Variants in RNF170 observed in about 807,000 individuals in gnomAD.
RNF170 encodes the protein ring finger protein 170, also known as E3 ubiquitin-protein ligase RNF170.
Under a neutral mutation model 32.7 loss-of-function variants are expected in RNF170, and 12 were observed. The observed-to-expected ratio is 0.37, with a 90% CI of 0.24 to 0.60. The LOEUF (loss-of-function observed/expected upper bound fraction) is 0.60. Ranked by LOEUF, RNF170 falls within the 20% of genes least tolerant of loss-of-function variation. The pLI, the probability that RNF170 is intolerant of heterozygous loss-of-function variation, is 0.72. For missense variants in RNF170, 212 were observed against 311.2 expected (o/e 0.68, Z 2.40); for synonymous variants, 91 against 103.6 (o/e 0.88, Z 0.74).
chr8:42,861,658 C>T (rs1048867345), intron 6 of RNF170, 87 bp downstream of exon 6: 1 of 1,117,356 alleles, frequency 8.9e-7, no homozygotes, highest in African/African-American at 1.5e-5. Flanking sequence ...TTCTCATAGT[C>T]AAAGAATACT....
intron 2 of RNF170, among the ~76,000 whole-genome samples, chr8:42,883,371 T>C (rs571950476): frequency 6.6e-6 from 1 of 152,004 alleles, no homozygotes; most frequent in African/African-American, 2.4e-5. Flanking sequence ...TACACAACAA[T>C]GTGAATGTAC....
chr8:42,888,001 T>G, intron 1 of RNF170, 130 bp from the exon 2 acceptor site: 1 of 788,326 alleles, frequency 1.3e-6, no homozygotes, highest in Non-Finnish European at 2.1e-6. Context: ...TAAGTACAAC[T>G]CCAGTGGGGA....
At chr8:42,894,568 A>T (rs922055098) in intron 1 of RNF170, among the ~76,000 whole-genome samples, 8 of 150,750 alleles carry the variant, frequency 5.3e-5, no homozygotes, top group Admixed American at 6.6e-5. Context: ...CACATGTGTA[A>T]TTTTTTTTTT....
Position 42,854,323 on chromosome 8 carries a change from CCTA to C in RNF170, c.*1833_*1835del. On this transcript the variant is annotated 3_prime_UTR_variant, in exon 7 of 7. Transcript: ENST00000527424. Reference sequence around the variant, plus strand: ...CTATCTAAACATTCTATGCAGGAGTCCTACTAAGAAATTTTGGTGTAATGCCAC... The same window carrying C: ...CTATCTAAACATTCTATGCAGGAGTCCTAAGAAATTTTGGTGTAATGCCAC... The C allele has an allele frequency of 7.8e-7, 1 of 1,287,150 alleles. No homozygotes were observed. The highest frequency in any genetic ancestry group is 1.0e-6 in the Non-Finnish European group (1 of 988,684). 79.7% of individuals were successfully genotyped at this position (1,287,150 alleles called of 1,614,324 possible).
intron 1 of RNF170, among the ~76,000 whole-genome samples, chr8:42,890,811 G>T (rs945703522): frequency 6.6e-6 from 1 of 152,030 alleles, no homozygotes; most frequent in Non-Finnish European, 1.5e-5. Context: ...GCTTGTTGGG[G>T]GCTTCGACAG....
chr8:42,887,584 C>T (rs1183743538), intron 2 of RNF170, 144 bp downstream of exon 2: 11 of 749,018 alleles, frequency 1.5e-5, no homozygotes, highest in Non-Finnish European at 2.3e-5. Flanking sequence ...TTCAAAGCCC[C>T]GTGGAAAATA....
intron 2 of RNF170, among the ~76,000 whole-genome samples, chr8:42,885,737 G>A (rs983065517): frequency 5.9e-5 from 9 of 151,978 alleles, no homozygotes; most frequent in African/African-American, 2.2e-4. Context: ...TGTCTATATA[G>A]GTCCTTTGTG....
At chr8:42,873,081 G>A (rs1335330418) in intron 3 of RNF170, among the ~76,000 whole-genome samples, 1 of 152,028 alleles carries the variant, frequency 6.6e-6, no homozygotes, top group Non-Finnish European at 1.5e-5. Flanking sequence ...TTTTAGTAGA[G>A]ACAGAGTTTT....
At chr8:42,894,800 C>T (rs1806626975) in intron 1 of RNF170, among the ~76,000 whole-genome samples, 1 of 152,064 alleles carries the variant, frequency 6.6e-6, no homozygotes, top group South Asian at 2.1e-4. Context: ...GTGATCCGCT[C>T]GCCTCGGCCT....
chr8:42,850,841 A>C (rs1442583625), downstream of RNF170: 1 of 1,551,604 alleles, frequency 6.4e-7, no homozygotes, highest in Non-Finnish European at 8.7e-7. Context: ...GTGAAGCATA[A>C]ACGTGGTGAG....
intron 1 of RNF170, among the ~76,000 whole-genome samples, chr8:42,894,114 C>T (rs954617164): frequency 1.3e-5 from 2 of 152,248 alleles, no homozygotes; most frequent in Non-Finnish European, 2.9e-5. Context: ...CACATGGCTT[C>T]TGCAATTACT....
intron 1 of RNF170, among the ~76,000 whole-genome samples, chr8:42,891,543 T>C (rs1391829756): frequency 1.3e-5 from 2 of 152,210 alleles, no homozygotes; most frequent in African/African-American, 4.8e-5. Context: ...CAGATCATTA[T>C]AACTGTACAT....
At chr8:42,889,029 G>C (rs551423725) in intron 1 of RNF170, among the ~76,000 whole-genome samples, 2 of 152,222 alleles carry the variant, frequency 1.3e-5, no homozygotes, top group East Asian at 3.9e-4. Context: ...TTAAATAAAA[G>C]TGACTTACCA....
At chr8:42,897,294 A>C, upstream of RNF170, 1 of 733,922 alleles carries the variant, frequency 1.4e-6, no homozygotes, top group Non-Finnish European at 1.9e-6. Context: ...CGGTGCCGTC[A>C]CATCCGGGGC....
At position 42,854,868 on chromosome 8, in the gene RNF170, G is replaced by A. The variant is rs1209466090; in HGVS notation, c.*1291C>T. ...TGAGTCTTCTCAGATACATTCACTT[G>A]TTTGGCTCAAGACATGAATCTGAGC... On this transcript the variant is annotated 3_prime_UTR_variant, in exon 7 of 7. Coordinates refer to ENST00000527424, the MANE Select transcript of RNF170 (RefSeq NM_030954.4). 1 of 1,287,112 alleles carries A rather than the reference G, an allele frequency of 7.8e-7. No individual in the cohort carries two copies. The highest frequency in any genetic ancestry group is 1.5e-5 in the African/African-American group (1 of 65,790). The allele number at this position is 1,287,112 out of a possible 1,614,324, so 79.7% of individuals were successfully genotyped here. A position where few individuals can be genotyped will look rare whatever the true frequency, so the allele number is the denominator to read the frequency against.
At chr8:42,897,182 C>G, upstream of RNF170, 3 of 1,247,130 alleles carry the variant, frequency 2.4e-6, no homozygotes, top group Non-Finnish European at 3.0e-6. Flanking sequence ...AGAGCCTCCT[C>G]ACTTGGGTAC....
At position 42,853,527 on chromosome 8, in the gene RNF170, C is replaced by T. The variant is rs751182430; in HGVS notation, c.*2632G>A. On this transcript the variant is annotated 3_prime_UTR_variant, in exon 7 of 7. Coordinates refer to ENST00000527424, the MANE Select transcript of RNF170 (RefSeq NM_030954.4). ...TGGGCAGTTAGAACAGTTGTTTTCCCCGTCTTGTTCCCCACAGAGCTGCCC... is the reference window on the plus strand; with the variant it reads ...TGGGCAGTTAGAACAGTTGTTTTCCTCGTCTTGTTCCCCACAGAGCTGCCC... 24 of 1,286,996 alleles carry T rather than the reference C, an allele frequency of 1.9e-5. No individual in the cohort carries two copies. In the South Asian group the frequency reaches 3.0e-4, roughly 16 times the overall value. 79.7% of individuals were successfully genotyped at this position (1,286,996 alleles called of 1,614,324 possible). A position where few individuals can be genotyped will look rare whatever the true frequency, so the allele number is the denominator to read the frequency against.
Position 42,853,337 on chromosome 8 carries a change from A to G in RNF170, c.*2822T>C. 1.6e-6 allele frequency: 2 copies of G among 1,229,462 alleles called. No homozygotes were observed. The highest frequency in any genetic ancestry group is 1.4e-5 in the South Asian group (1 of 72,652). 76.2% of individuals were successfully genotyped at this position (1,229,462 alleles called of 1,614,324 possible). On this transcript the variant is annotated 3_prime_UTR_variant, in exon 7 of 7. Transcript: ENST00000527424. ...TGTTGCTTTTATTCAAAAGAATAAA[A>G]TGCTTGACAAACTCTTTAATCACAA...
chr8:42,874,934 G>C (rs1181243859), intron 2 of RNF170, among the ~76,000 whole-genome samples: 4 of 152,156 alleles, frequency 2.6e-5, no homozygotes, highest in African/African-American at 9.7e-5. Flanking sequence ...CACTTTGGGA[G>C]GCCGAGGCCG....
Sources: allele counts gnomAD v4.1 joint callset (sites outside exome capture counted in the v4.1 genomes callset), GRCh38; gene constraint gnomAD v4.1.1; transcripts MANE v1.5; gene names NCBI Gene and HGNC (gene_info 2026-07-23, HGNC 2026-07-21).